Variants in DIP2C observed in about 807,000 individuals in gnomAD.
DIP2C encodes disco-interacting protein 2 homolog C.
Under a neutral mutation model 192.4 loss-of-function variants are expected in DIP2C, and 33 were observed. The observed-to-expected ratio is 0.17, with a 90% CI of 0.13 to 0.23. DIP2C has a LOEUF of 0.23. Among genes scored for constraint, DIP2C ranks in the 10% least tolerant of loss-of-function variants. DIP2C has a pLI of 1.00. For synonymous variants in DIP2C, 979 were observed against 864.1 expected, an observed-to-expected ratio of 1.13 and a Z score of -2.33; for missense variants, 1,537 against 2,110.1, an observed-to-expected ratio of 0.73 and a Z score of 5.32.
chr10:599,700 A>T (rs946753335), intron 1 of DIP2C, among the ~76,000 whole-genome samples: 2 of 152,214 alleles, frequency 1.3e-5, no homozygotes, highest in Non-Finnish European at 2.9e-5. Flanking sequence ...GCTCCAGTGC[A>T]TTCGGAGCAA....
At chr10:282,628 T>C (rs1160056528) in intron 35 of DIP2C, among the ~76,000 whole-genome samples, 2 of 152,216 alleles carry the variant, frequency 1.3e-5, no homozygotes, top group South Asian at 2.1e-4. Context: ...GAATTAACTA[T>C]ACAAGTGCAC....
chr10:687,996 A>C (rs74117336), intron 1 of DIP2C, among the ~76,000 whole-genome samples: 13,950 of 152,244 alleles, frequency 0.092, 850 homozygotes, highest in African/African-American at 0.17. Context: ...TGCTGCAGGC[A>C]GGGGTGCACC....
chr10:616,394 C>G (rs1324540987), intron 1 of DIP2C, among the ~76,000 whole-genome samples: 16 of 152,208 alleles, frequency 1.1e-4, no homozygotes, highest in Admixed American at 6.5e-5. Flanking sequence ...CAGTCAGACG[C>G]AAATTAATTT....
At position 666,330 on chromosome 10, in the gene DIP2C, G is replaced by C. The variant is rs1477301185; in HGVS notation, c.85+23164C>G. On this transcript the variant is annotated intron_variant, in intron 1 of 36. Transcript: ENST00000280886. The surrounding 1 kb of genome is among the most constrained non-coding windows in gnomAD (Gnocchi z 4.1). ...AACGGCTGGTCTGCGTTCAGAGCTG[G>C]TGAGGAGCAGGGAGAAGAATCCAGA... is the stretch of plus-strand genomic sequence containing the variant. 6.6e-6 allele frequency: 1 copy of C among 152,350 alleles called. No individual in the cohort carries two copies. Among genetic ancestry groups the C allele is most frequent in the East Asian group, 1.9e-4 (1 of 5,186 alleles). The allele number at this position is 152,350 out of a possible 1,614,324, so 9.4% of individuals were successfully genotyped here.
chr10:432,380 T>C (rs1966868650), intron 4 of DIP2C, among the ~76,000 whole-genome samples: 1 of 152,206 alleles, frequency 6.6e-6, no homozygotes, highest in African/African-American at 2.4e-5. Context: ...TACAGGCCTA[T>C]ACAGATTGTT....
rs554847697 is a variant in DIP2C, at chr10:582,589, TATAA to T, written c.86-96063_86-96060del. Among the ~76,000 whole-genome samples the T allele has an allele frequency of 2.3e-3, 357 of 152,050 alleles. 3 individuals carry two copies. The highest frequency in any genetic ancestry group is 7.9e-3 in the African/African-American group (327 of 41,492). On this transcript the variant is annotated intron_variant, in intron 1 of 36. Transcript: ENST00000280886. ...CAGAGCAAGACCCTGTCTCAGAAAA[TATAA>T]ATAAACTAAAAACCAACAGAAACTG...
At position 434,810 on chromosome 10, in the gene DIP2C, C is replaced by T. The variant is rs553361122; in HGVS notation, c.394+6061G>A. On this transcript the variant is annotated intron_variant, in intron 4 of 36. Transcript: ENST00000280886. ...AATATTTCACTCTACTTCTTGCTTTCGTGGTTTTTGAGGGGAAGTTGAATA... is the reference window on the plus strand; with the variant it reads ...AATATTTCACTCTACTTCTTGCTTTTGTGGTTTTTGAGGGGAAGTTGAATA... Among the ~76,000 whole-genome samples the T allele has an allele frequency of 1.6e-4, 24 of 152,208 alleles. No homozygotes were observed. The East Asian group carries it at 2.9e-3, about 18-fold the overall frequency.
chr10:496,620 AAAC>A (rs1225347841), intron 1 of DIP2C, among the ~76,000 whole-genome samples: 4 of 149,882 alleles, frequency 2.7e-5, no homozygotes, highest in African/African-American at 4.9e-5. Flanking sequence ...GCAATACCCC[AAAC>A]AACATGAGTG....
At chr10:378,818 CAG>C (rs575753721) in intron 17 of DIP2C, among the ~76,000 whole-genome samples, 155 of 152,062 alleles carry the variant, frequency 1.0e-3, no homozygotes, top group African/African-American at 3.5e-3. Context: ...CACAAATGAA[CAG>C]ACATGCACAG....
In DIP2C at chr10:689,149, C is replaced by T. The variant is rs886986984; in HGVS notation, c.85+345G>A. Reference sequence around the variant, plus strand: ...GGCGCCCAGGCCCCACAGACACCCCCAGGGCGCGGGGGGATCGCGGCCCCA... The same window carrying T: ...GGCGCCCAGGCCCCACAGACACCCCTAGGGCGCGGGGGGATCGCGGCCCCA... On this transcript the variant is annotated intron_variant, in intron 1 of 36. Coordinates refer to ENST00000280886, the MANE Select transcript of DIP2C (RefSeq NM_014974.3). This position sits in a 1 kb window ranked among gnomAD's most constrained non-coding sequence, Gnocchi z 6.1. Among the ~76,000 whole-genome samples the T allele has an allele frequency of 4.0e-5, 6 of 151,896 alleles. No individual in the cohort carries two copies. The highest frequency in any genetic ancestry group is 7.4e-5 in the Non-Finnish European group (5 of 67,918).
At chr10:642,657 C>T (rs2131948961) in intron 1 of DIP2C, among the ~76,000 whole-genome samples, 1 of 152,374 alleles carries the variant, frequency 6.6e-6, no homozygotes, top group Middle Eastern at 3.4e-3. Context: ...GGTCAGGGCT[C>T]CGCACACCCC....
intron 1 of DIP2C, among the ~76,000 whole-genome samples, chr10:598,368 T>TC (rs1254694770): frequency 1.3e-5 from 2 of 152,226 alleles, no homozygotes; most frequent in Non-Finnish European, 2.9e-5. Flanking sequence ...CACAAACCTT[T>TC]CCAACCTTCA....
In DIP2C at chr10:349,429, C is replaced by T; in HGVS notation, c.3011G>A (p.Cys1004Tyr). 1 of 1,609,352 alleles carries T rather than the reference C, an allele frequency of 6.2e-7. No individual in the cohort carries two copies. Among genetic ancestry groups the T allele is most frequent in the Non-Finnish European group, 8.5e-7 (1 of 1,178,792 alleles). ...CRGAIANSLT[C>Y]VQLHKRAEKI... ...CTCAGCTCTCTTGTGCAGCTGCACG[C>T]AGGTCAGCGAGTTCGCTATCGCACC... is the stretch of plus-strand genomic sequence containing the variant. Residue 1004 changes from cysteine (C) to tyrosine (Y), a missense_variant, in exon 25 of 37, where the codon TGC (cysteine) becomes TAC (tyrosine). Cys to Tyr is a radical substitution (Grantham distance 194, BLOSUM62 -2). Transcript: ENST00000280886.
intron 1 of DIP2C, among the ~76,000 whole-genome samples, chr10:621,779 G>A (rs1019086116): frequency 1.3e-4 from 20 of 152,198 alleles, no homozygotes; most frequent in African/African-American, 4.6e-4. Flanking sequence ...AAGGTGCTGA[G>A]CACGGGGCCT....
chr10:434,509 G>C (rs1967019688), intron 4 of DIP2C, among the ~76,000 whole-genome samples: 1 of 152,164 alleles, frequency 6.6e-6, no homozygotes, highest in South Asian at 2.1e-4. Context: ...CCGGCCTCCA[G>C]CAATTCTCCC....
At position 569,068 on chromosome 10, in the gene DIP2C, T is replaced by A. The variant is rs551576154; in HGVS notation, c.86-82538A>T. ...CTGCTCACTGCATGGGAGATCAGCT[T>A]TCAGGTAAGGTGCGGTCAAGGGTCT... On this transcript the variant is annotated intron_variant, in intron 1 of 36. Coordinates refer to ENST00000280886, the MANE Select transcript of DIP2C (RefSeq NM_014974.3). Among the ~76,000 whole-genome samples the A allele has an allele frequency of 2.6e-5, 4 of 152,254 alleles. No individual in the cohort carries two copies. The South Asian group carries it at 8.3e-4, about 32-fold the overall frequency.
Position 689,202 on chromosome 10 carries a change from G to A in DIP2C, c.85+292C>T, listed in dbSNP as rs1306704998. ...AACATCCCAGGGCGCGGGGGATCGCGGCCCCACAAACACCCCCAGAGCGCG... is the reference window on the plus strand; with the variant it reads ...AACATCCCAGGGCGCGGGGGATCGCAGCCCCACAAACACCCCCAGAGCGCG... On this transcript the variant is annotated intron_variant, in intron 1 of 36. Coordinates refer to ENST00000280886, the MANE Select transcript of DIP2C (RefSeq NM_014974.3). The surrounding 1 kb of genome is among the most constrained non-coding windows in gnomAD (Gnocchi z 6.1). Among the ~76,000 whole-genome samples, 7 of 150,818 alleles carry A rather than the reference G, an allele frequency of 4.6e-5. No homozygotes were observed. Among genetic ancestry groups the A allele is most frequent in the African/African-American group, 1.7e-4 (7 of 41,026 alleles).
intron 1 of DIP2C, among the ~76,000 whole-genome samples, chr10:490,577 C>A (rs1449426742): frequency 6.6e-6 from 1 of 152,206 alleles, no homozygotes; most frequent in South Asian, 2.1e-4. Context: ...GAATGTGAAC[C>A]ACAGGAGCCC....
intron 3 of DIP2C, among the ~76,000 whole-genome samples, chr10:471,880 G>GTA (rs1257656520): frequency 6.6e-6 from 1 of 152,138 alleles, no homozygotes; most frequent in Non-Finnish European, 1.5e-5. Flanking sequence ...AGCCTGATGA[G>GTA]TAGCTAGGAC....
Sources: allele counts gnomAD v4.1 joint callset (sites outside exome capture counted in the v4.1 genomes callset), GRCh38; gene constraint gnomAD v4.1.1; non-coding constraint Gnocchi (gnomAD v3.1); transcripts MANE v1.5; gene names NCBI Gene and HGNC (gene_info 2026-07-23, HGNC 2026-07-21).